The following DRC3 variants were observed in gnomAD, a reference collection of about 807,000 sequenced individuals.
DRC3 encodes dynein regulatory complex subunit 3, also known as leucine rich repeat containing 48.
Under a neutral mutation model 57.6 loss-of-function variants are expected in DRC3, and 45 were observed. The ratio of observed to expected loss-of-function variants is 0.78; its 90% confidence interval spans 0.62 to 1.00. DRC3 has a LOEUF of 1.00. DRC3 is among the 50% of genes least tolerant of loss of function. The pLI is 0.00. For synonymous variants in DRC3, 257 were observed against 272.3 expected (o/e 0.94, Z 0.55); for missense variants, 655 against 675.2 (o/e 0.97, Z 0.33).
chr17:18,002,924 C>A (rs1038983512), intron 9 of DRC3, among the ~76,000 whole-genome samples: 2 of 152,086 alleles, frequency 1.3e-5, no homozygotes, highest in Admixed American at 1.3e-4. Context: ...ATAAGACAAA[C>A]GAGAAAAGCA....
In DRC3 at chr17:17,984,550, G is replaced by T. The variant is rs183960537; in HGVS notation, c.277+606G>T. Among the ~76,000 whole-genome samples, 225 of 152,278 alleles carry T rather than the reference G, an allele frequency of 1.5e-3. 1 individual carries two copies. Among genetic ancestry groups the T allele is most frequent in the African/African-American group, 5.1e-3 (213 of 41,552 alleles). On this transcript the variant is annotated intron_variant, in intron 4 of 13. Transcript: ENST00000399187. ...CCTCACATCTGGTGAGGGGCAATGG[G>T]TCCCTAGCAGGGAGAAGGTGATGGG...
chr17:18,007,931 C>T (rs772532777), intron 12 of DRC3: 6 of 870,012 alleles, frequency 6.9e-6, no homozygotes, highest in Admixed American at 6.0e-5. Flanking sequence ...TCTTACAGTC[C>T]GTCCTCCATG....
At chr17:17,987,717 C>T (rs114102711) in intron 4 of DRC3, among the ~76,000 whole-genome samples, 3,471 of 152,138 alleles carry the variant, frequency 0.023, 116 homozygotes, top group African/African-American at 0.071. Flanking sequence ...GGATGATTGG[C>T]GGAACTGGAG....
intron 2 of DRC3, among the ~76,000 whole-genome samples, chr17:17,975,521 C>CCA (rs1474698250): frequency 6.9e-6 from 1 of 144,968 alleles, no homozygotes; most frequent in African/African-American, 2.6e-5. Flanking sequence ...CCCCACCCCC[C>CCA]CCCCAAAAAA....
chr17:18,001,380 G>C (rs990754734), intron 9 of DRC3, among the ~76,000 whole-genome samples: 2 of 152,086 alleles, frequency 1.3e-5, no homozygotes, highest in African/African-American at 4.8e-5. Flanking sequence ...ATGCATGCCT[G>C]TAATCCCAGC....
chr17:17,989,265 C>T (rs2043110697), intron 5 of DRC3, among the ~76,000 whole-genome samples: 5 of 152,086 alleles, frequency 3.3e-5, no homozygotes, highest in Non-Finnish European at 1.5e-5. Context: ...GCGCAGGGTC[C>T]CTGGACGAGG....
intron 4 of DRC3, among the ~76,000 whole-genome samples, chr17:17,984,690 A>C (rs1051836304): frequency 1.2e-4 from 18 of 152,156 alleles, no homozygotes; most frequent in Non-Finnish European, 1.5e-5. Context: ...AGCCCCAGGC[A>C]CTTGCCCAAA....
At chr17:18,003,484 TAAAAAA>T (rs71155309) in intron 9 of DRC3, among the ~76,000 whole-genome samples, 35 of 30,124 alleles carry the variant, frequency 1.2e-3, no homozygotes, top group Non-Finnish European at 1.6e-3. Context: ...ACTACGTCTT[TAAAAAA>T]AAAAAAAAAA....
chr17:17,987,894 C>T, intron 4 of DRC3, 38 bp from the exon 5 acceptor site: 1 of 1,605,534 alleles, frequency 6.2e-7, no homozygotes, highest in South Asian at 1.1e-5. Flanking sequence ...ATCCCCTGAC[C>T]CAGGCAGCAG....
intron 12 of DRC3, chr17:18,007,829 C>T (rs1325310031): frequency 2.0e-6 from 2 of 1,008,898 alleles, no homozygotes; most frequent in African/African-American, 3.5e-5. Flanking sequence ...ATTCACTCCA[C>T]TGCCAGTTTC....
At position 17,997,609 on chromosome 17, in the gene DRC3, C is replaced by T. The variant is rs769785558; in HGVS notation, c.974C>T (p.Ala325Val). 3 of 1,608,782 alleles carry T rather than the reference C, an allele frequency of 1.9e-6. No individual in the cohort carries two copies. Among genetic ancestry groups the T allele is most frequent in the Non-Finnish European group, 2.5e-6 (3 of 1,177,814 alleles). Residue 325 changes from alanine (A) to valine (V), a missense_variant, in exon 9 of 14, where the codon GCC becomes GTC. Coordinates refer to ENST00000399187, the MANE Select transcript of DRC3 (RefSeq NM_031294.4). ...CAGGAGCAGGGCAAACGCAAGATTG[C>T]CAAATTCGAGGAGAAGCACTTGTCG... is the stretch of plus-strand genomic sequence containing the variant. ...ENQEQGKRKI[A>V]KFEEKHLSSL...
chr17:18,000,194 CTGTG>C lies in DRC3; in HGVS notation c.999+2575_999+2578del, dbSNP rs34656211. ...GCCCTGTTCTGTACTTTGCTTTCCT[CTGTG>C]TGTGTGTGTGTGTGCATAGCATGCC... On this transcript the variant is annotated intron_variant, in intron 9 of 13. Coordinates refer to ENST00000399187, the MANE Select transcript of DRC3 (RefSeq NM_031294.4). 1.4e-3 allele frequency among the ~76,000 whole-genome samples: 87 copies of C among 63,882 alleles called. No homozygotes were observed. The East Asian group carries it at 0.018, about 13-fold the overall frequency. The allele number at this position is 63,882 out of a possible 152,430, so 41.9% of individuals were successfully genotyped here.
At chr17:18,007,306 A>C (rs2044014058) in intron 12 of DRC3, 159 bp downstream of exon 12, 1 of 1,298,888 alleles carries the variant, frequency 7.7e-7, no homozygotes, top group African/African-American at 1.5e-5. Flanking sequence ...GCTGGCAGAT[A>C]AAATAGGCTA....
intron 5 of DRC3, among the ~76,000 whole-genome samples, chr17:17,990,231 A>T (rs2043164587): frequency 1.3e-5 from 2 of 152,142 alleles, no homozygotes; most frequent in South Asian, 4.1e-4. Context: ...CTGGGCTTAC[A>T]TGAACAGCCT....
At chr17:17,982,677 C>T (rs2042758790) in intron 3 of DRC3, among the ~76,000 whole-genome samples, 1 of 149,776 alleles carries the variant, frequency 6.7e-6, no homozygotes, top group African/African-American at 2.5e-5. Context: ...CTGGTTCAAG[C>T]GATTCTCCTG....
At chr17:17,990,948 G>A (rs1335387195) in intron 5 of DRC3, among the ~76,000 whole-genome samples, 5 of 152,204 alleles carry the variant, frequency 3.3e-5, no homozygotes, top group South Asian at 4.1e-4. Flanking sequence ...CCGAGATCGC[G>A]CCACTGCACT....
intron 9 of DRC3, among the ~76,000 whole-genome samples, chr17:18,003,357 G>A (rs1220999816): frequency 4.0e-5 from 6 of 151,518 alleles, no homozygotes; most frequent in Admixed American, 2.0e-4. Context: ...ATAATGGCAG[G>A]TGCCTGTAAT....
At chr17:17,995,169 G>A in intron 8 of DRC3, 58 bp downstream of exon 8, 1 of 1,265,472 alleles carries the variant, frequency 7.9e-7, no homozygotes, top group Non-Finnish European at 1.1e-6. Flanking sequence ...GCCTTGGCAA[G>A]GCCCCTTCCG....
chr17:17,995,484 G>GGTAC (rs2043422201), intron 8 of DRC3: 1 of 196,434 alleles, frequency 5.1e-6, no homozygotes, highest in Admixed American at 5.7e-5. Context: ...CCACTAGGCA[G>GGTAC]GTACCATCAT....
Sources: gnomAD v4.1 joint callset for allele counts (sites outside exome capture counted in the v4.1 genomes callset) on GRCh38, gnomAD v4.1.1 for gene constraint, MANE v1.5 for transcripts, NCBI Gene and HGNC (gene_info 2026-07-23, HGNC 2026-07-21) for gene names.